Variants in SOX5 observed in about 807,000 individuals in gnomAD.
The protein encoded by SOX5 is transcription factor SOX-5.
In SOX5, 9 loss-of-function variants were observed where a neutral mutation model predicts 92.0. The observed-to-expected ratio is 0.10, with a 90% CI of 0.06 to 0.17. The LOEUF is 0.17. Among genes scored for constraint, SOX5 ranks in the 10% least tolerant of loss-of-function variants. The pLI, the probability that SOX5 is intolerant of heterozygous loss-of-function variation, is 1.00. For synonymous variants in SOX5, 344 were observed against 336.3 expected (o/e 1.02, Z -0.25); for missense variants, 642 against 944.5 (o/e 0.68, Z 4.20).
At chr12:24,146,182 ATAT>A in intron 4 of SOX5, among the ~76,000 whole-genome samples, 1 of 152,236 alleles carries the variant, frequency 6.6e-6, no homozygotes, top group East Asian at 1.9e-4. Flanking sequence ...GTAGCAGCAT[ATAT>A]TTTTTTTCTC....
intron 5 of SOX5, among the ~76,000 whole-genome samples, chr12:23,737,333 G>C (rs982065586): frequency 1.3e-5 from 2 of 152,030 alleles, no homozygotes; most frequent in African/African-American, 2.4e-5. Context: ...AAGGTCAGGA[G>C]TTCGAGACCA....
intron 2 of SOX5, among the ~76,000 whole-genome samples, chr12:24,305,291 A>C (rs1475886467): frequency 1.3e-5 from 2 of 152,212 alleles, no homozygotes; most frequent in Non-Finnish European, 2.9e-5. Flanking sequence ...AAATCCTTGA[A>C]CACGCCTAAG....
intron 3 of SOX5, among the ~76,000 whole-genome samples, chr12:23,821,464 G>C (rs923151016): frequency 1.3e-5 from 2 of 152,176 alleles, no homozygotes; most frequent in Admixed American, 1.3e-4. Context: ...ACACTATGTT[G>C]AATAGGAGTG....
chr12:24,038,766 T>G (rs1292366305), intron 4 of SOX5, among the ~76,000 whole-genome samples: 4 of 152,174 alleles, frequency 2.6e-5, no homozygotes, highest in Non-Finnish European at 4.4e-5. Flanking sequence ...TGGTAGAAAA[T>G]GAGTGGAAAT....
intron 3 of SOX5, among the ~76,000 whole-genome samples, chr12:24,240,647 T>A (rs1429432127): frequency 3.3e-5 from 5 of 152,152 alleles, no homozygotes; most frequent in Non-Finnish European, 7.4e-5. Context: ...TCATTTTCTA[T>A]CCCAAACTAA....
chr12:23,873,370 G>A (rs1454891381), intron 2 of SOX5, among the ~76,000 whole-genome samples: 3 of 152,128 alleles, frequency 2.0e-5, no homozygotes, highest in African/African-American at 7.2e-5. Context: ...CTACTGGGGA[G>A]GCAGAGGTGT....
At chr12:23,873,127 A>T (rs926716884) in intron 2 of SOX5, among the ~76,000 whole-genome samples, 2 of 152,134 alleles carry the variant, frequency 1.3e-5, no homozygotes, top group Non-Finnish European at 2.9e-5. Flanking sequence ...ACTTTTTTTC[A>T]CTATAACTCA....
intron 1 of SOX5, among the ~76,000 whole-genome samples, chr12:24,459,252 G>A (rs1566216711): frequency 1.3e-5 from 2 of 152,066 alleles, no homozygotes; most frequent in African/African-American, 2.4e-5. Flanking sequence ...TCTTGCGCAC[G>A]CTCCATCAAG....
chr12:24,533,413 A>G (rs146318960), intron 1 of SOX5, among the ~76,000 whole-genome samples: 2 of 152,342 alleles, frequency 1.3e-5, no homozygotes, highest in Non-Finnish European at 2.9e-5. Flanking sequence ...AAGATCTTTA[A>G]TTGGTAGTTA....
chr12:24,408,012 A>G (rs1963336698), intron 1 of SOX5, among the ~76,000 whole-genome samples: 1 of 152,196 alleles, frequency 6.6e-6, no homozygotes, highest in South Asian at 2.1e-4. Flanking sequence ...AACCTTTCTG[A>G]TAAGGTGATG....
chr12:23,905,786 GA>G (rs1293219067), intron 1 of SOX5, among the ~76,000 whole-genome samples: 1 of 151,942 alleles, frequency 6.6e-6, no homozygotes, highest in Non-Finnish European at 1.5e-5. Flanking sequence ...ATATTGTTTT[GA>G]AAAAAATTAT....
chr12:24,421,001 A>C (rs1311758385), intron 1 of SOX5, among the ~76,000 whole-genome samples: 2 of 138,832 alleles, frequency 1.4e-5, no homozygotes, highest in Non-Finnish European at 3.3e-5. Flanking sequence ...AGTTGTAAGG[A>C]AAAGAAAGAA....
chr12:23,709,811 T>C (rs1331747675), intron 6 of SOX5, among the ~76,000 whole-genome samples: 1 of 152,218 alleles, frequency 6.6e-6, no homozygotes, highest in African/African-American at 2.4e-5. Context: ...AGTATCAACG[T>C]AACTTTGAAG....
At chr12:24,224,104 G>T (rs1199107836) in intron 3 of SOX5, among the ~76,000 whole-genome samples, 2 of 152,162 alleles carry the variant, frequency 1.3e-5, no homozygotes, top group African/African-American at 4.8e-5. Flanking sequence ...GTGTCATAAC[G>T]AATTACCATT....
At chr12:24,166,109 G>A (rs575061062) in intron 4 of SOX5, among the ~76,000 whole-genome samples, 28 of 152,126 alleles carry the variant, frequency 1.8e-4, no homozygotes, top group Admixed American at 5.2e-4. Context: ...AAAGGAGAAG[G>A]GAAAGAATAC....
At chr12:23,758,977 T>C (rs1280168526) in intron 3 of SOX5, among the ~76,000 whole-genome samples, 1 of 151,060 alleles carries the variant, frequency 6.6e-6, no homozygotes. Context: ...TTATAAATCA[T>C]TCAGTCTGTG....
chr12:24,427,943 T>G (rs1363150601), intron 1 of SOX5, among the ~76,000 whole-genome samples: 1 of 152,210 alleles, frequency 6.6e-6, no homozygotes, highest in Non-Finnish European at 1.5e-5. Flanking sequence ...TATTGATTTT[T>G]CAGGGCTTTT....
chr12:24,304,197 T>C (rs1296400395), intron 2 of SOX5, among the ~76,000 whole-genome samples: 1 of 152,178 alleles, frequency 6.6e-6, no homozygotes, highest in Non-Finnish European at 1.5e-5. Flanking sequence ...GTAAAGAGAA[T>C]TCCATGTCAA....
chr12:24,209,043 G>C (rs1046353975), intron 4 of SOX5, among the ~76,000 whole-genome samples: 2 of 152,146 alleles, frequency 1.3e-5, no homozygotes, highest in African/African-American at 4.8e-5. Context: ...GTACATGAAG[G>C]GAGTGGTAGC....
Sources: allele counts gnomAD v4.1 joint callset (sites outside exome capture counted in the v4.1 genomes callset), GRCh38; gene constraint gnomAD v4.1.1; transcripts MANE v1.5; gene names NCBI Gene and HGNC (gene_info 2026-07-23, HGNC 2026-07-21).